Variants in CCDC191 observed in about 807,000 individuals in gnomAD.
The protein encoded by CCDC191 is coiled-coil domain-containing protein 191.
A neutral mutation model predicts 114.0 loss-of-function variants in CCDC191; 99 were observed. The observed-to-expected ratio is 0.87, with a 90% CI of 0.74 to 1.03. CCDC191 has a LOEUF of 1.03. Ranked by LOEUF, CCDC191 falls within the 50% of genes least tolerant of loss-of-function variation. The pLI is 0.00. For synonymous variants in CCDC191, 351 were observed against 376.0 expected (o/e 0.93, Z 0.77); for missense variants, 973 against 1,087.0 (o/e 0.90, Z 1.47).
upstream of CCDC191, chr3:114,056,543 G>A (rs752474146): frequency 1.2e-6 from 2 of 1,609,416 alleles, no homozygotes; most frequent in South Asian, 1.1e-5. Context: ...GGGTCACGCT[G>A]GGAATTGTAG....
At position 113,980,753 on chromosome 3, in the gene CCDC191, T is replaced by A; in HGVS notation, c.2204A>T (p.Gln735Leu). ...EKQKRIKRNQ[Q>L]LEAIAKEHYE... ...ATGTTCTTTGGCTATTGCTTCCAGC[T>A]GCTGGTTCCTCTTAATTCTCTTCTG... is the stretch of plus-strand genomic sequence containing the variant. The change falls in exon 14 of 17, where the codon CAG (glutamine) becomes CTG (leucine). Residue 735 changes from glutamine to leucine, a missense_variant. By Grantham distance (113) the Gln-to-Leu change is moderately radical (BLOSUM62 -2). Coordinates refer to ENST00000295878, the MANE Select transcript of CCDC191 (RefSeq NM_020817.2). 6.2e-7 allele frequency: 1 copy of A among 1,610,992 alleles called. No individual in the cohort carries two copies.
In CCDC191 at chr3:113,965,331, A is replaced by G. The variant is rs1156402686; in HGVS notation, c.2635T>C (p.Trp879Arg). 2 of 1,609,148 alleles carry G rather than the reference A, an allele frequency of 1.2e-6. No individual in the cohort carries two copies. Among genetic ancestry groups the G allele is most frequent in the Admixed American group, 1.7e-5 (1 of 59,342 alleles). The change falls in exon 17 of 17, where the codon TGG becomes CGG. Residue 879 changes from tryptophan to arginine, a missense_variant. Trp to Arg is a moderately radical substitution (Grantham distance 101). Transcript: ENST00000295878. ...TTCATAAATTTTACAAACTTCTTCC[A>G]TGTCCGAAGGGTGATCCAGAGGATC... ...RRILWITLRT[W>R]KKFVKFMKEE...
intron 14 of CCDC191, among the ~76,000 whole-genome samples, chr3:113,980,328 A>G (rs2075101181): frequency 6.6e-6 from 1 of 152,200 alleles, no homozygotes; most frequent in Admixed American, 6.5e-5. Context: ...ACTTTATCAC[A>G]GGCAGAAACC....
chr3:114,032,447 T>C (rs533389164), intron 6 of CCDC191, among the ~76,000 whole-genome samples: 13 of 152,324 alleles, frequency 8.5e-5, no homozygotes, highest in African/African-American at 2.2e-4. Context: ...CTCATAGCTA[T>C]GGCCTTCCTA....
chr3:113,995,174 G>T (rs983647339), intron 13 of CCDC191, among the ~76,000 whole-genome samples: 6 of 152,162 alleles, frequency 3.9e-5, no homozygotes, highest in African/African-American at 1.4e-4. Context: ...ATCCGTGTTT[G>T]CCAGGGGTTA....
At chr3:114,038,014 T>A (rs1304166844) in intron 4 of CCDC191, among the ~76,000 whole-genome samples, 3 of 152,216 alleles carry the variant, frequency 2.0e-5, no homozygotes, top group Non-Finnish European at 4.4e-5. Context: ...AATGCTTACC[T>A]TTTCAAGAAA....
At chr3:114,018,500 T>C (rs538579210) in intron 8 of CCDC191, among the ~76,000 whole-genome samples, 178 bp downstream of exon 8, 1 of 152,230 alleles carries the variant, frequency 6.6e-6, no homozygotes, top group East Asian at 1.9e-4. Context: ...TTTTGTTTAC[T>C]TATAATTTTC....
At chr3:114,035,937 T>C (rs950123898) in intron 5 of CCDC191, among the ~76,000 whole-genome samples, 63 of 152,168 alleles carry the variant, frequency 4.1e-4, no homozygotes, top group African/African-American at 1.3e-3. Context: ...CATTGAATAA[T>C]TTAAAGCAGT....
chr3:114,030,664 G>A lies in CCDC191; in HGVS notation c.972+962C>T, dbSNP rs1024046283. On this transcript the variant is annotated intron_variant, in intron 7 of 16. Transcript: ENST00000295878. Reference sequence around the variant, plus strand: ...AATATCACCATCAAATATGTCTATCGTTTTTAAAAAATCACTTTGACTACT... The same window carrying A: ...AATATCACCATCAAATATGTCTATCATTTTTAAAAAATCACTTTGACTACT... Among the ~76,000 whole-genome samples, 7 of 152,088 alleles carry A rather than the reference G, an allele frequency of 4.6e-5. No homozygotes were observed. In the East Asian group the frequency reaches 5.8e-4, roughly 13 times the overall value.
intron 2 of CCDC191, among the ~76,000 whole-genome samples, chr3:114,049,113 T>C (rs2076667892): frequency 1.3e-5 from 2 of 152,126 alleles, no homozygotes; most frequent in African/African-American, 4.8e-5. Context: ...GAAGGGTAAT[T>C]TGAAAAAGAT....
chr3:113,966,242 T>TAACA (rs1940156281), intron 16 of CCDC191, among the ~76,000 whole-genome samples: 1 of 152,194 alleles, frequency 6.6e-6, no homozygotes, highest in Non-Finnish European at 1.5e-5. Flanking sequence ...AAAAATACCC[T>TAACA]AACATCAGGT....
At chr3:114,010,712 C>G (rs747735907) in intron 9 of CCDC191, 60 bp downstream of exon 9, 3 of 1,516,110 alleles carry the variant, frequency 2.0e-6, no homozygotes. Flanking sequence ...GACTGACATA[C>G]CAGCTATAAA....
In CCDC191 at chr3:114,005,928, G is replaced by A. The variant is rs267599551; in HGVS notation, c.1448C>T (p.Pro483Leu). ...TAVPPLWEKPPLGSSGCMLSP... is the reference protein window; with the variant it reads ...TAVPPLWEKPLLGSSGCMLSP... Reference sequence around the variant, plus strand: ...GAGCATACAACCACTGCTTCCCAAGGGAGGCTTTTCCCACAAAGGGGGCAC... The same window carrying A: ...GAGCATACAACCACTGCTTCCCAAGAGAGGCTTTTCCCACAAAGGGGGCAC... The change falls in exon 10 of 17, where the codon CCC (proline) becomes CTC (leucine). Residue 483 changes from proline (P) to leucine (L), a missense_variant. Pro to Leu is a moderately conservative substitution (Grantham distance 98, BLOSUM62 -3). Transcript: ENST00000295878. 2.5e-6 allele frequency: 4 copies of A among 1,614,002 alleles called. No homozygotes were observed. The African/African-American group carries it at 4.0e-5, about 16-fold the overall frequency.
intron 13 of CCDC191, among the ~76,000 whole-genome samples, chr3:113,990,345 G>A (rs967987112): frequency 1.3e-5 from 2 of 151,910 alleles, no homozygotes; most frequent in Non-Finnish European, 2.9e-5. Context: ...TAGATTAAAT[G>A]CTCAAATTTC....
rs1198377286 is a variant in CCDC191, at chr3:114,031,629, T to C, written c.969A>G (p.Gln323=). The C allele has an allele frequency of 4.4e-6, 7 of 1,608,882 alleles. No individual in the cohort carries two copies. The highest frequency in any genetic ancestry group is 6.0e-6 in the Non-Finnish European group (7 of 1,175,672). Residue 323 remains glutamine, a synonymous_variant, in exon 7 of 17, where the codon CAA becomes CAG. Transcript: ENST00000295878. The stretch of plus-strand genomic sequence containing the variant: ...AAAGAGACATTGCAATTCCCACCTG[T>C]TGATTTTCTTTGAAAGTTTGGATTA... The part of the protein sequence containing the change: ...EVLIQTFKEN[Q]QCQKRYFAAW...
intron 7 of CCDC191, among the ~76,000 whole-genome samples, chr3:114,023,268 T>C (rs1440540668): frequency 1.3e-5 from 2 of 152,156 alleles, no homozygotes; most frequent in African/African-American, 4.8e-5. Flanking sequence ...ATCGTGAAAA[T>C]GGCCATACTG....
chr3:114,000,975 T>C (rs1577388951), intron 13 of CCDC191, among the ~76,000 whole-genome samples: 1 of 152,170 alleles, frequency 6.6e-6, no homozygotes, highest in African/African-American at 2.4e-5. Flanking sequence ...TTTTCGTCTA[T>C]GTAGCACATG....
chr3:113,993,888 A>C (rs924524259), intron 13 of CCDC191, among the ~76,000 whole-genome samples: 5 of 152,060 alleles, frequency 3.3e-5, no homozygotes, highest in Non-Finnish European at 5.9e-5. Flanking sequence ...GTCTCAGAGA[A>C]AAAAAAAGAA....
intron 13 of CCDC191, chr3:113,984,643 T>G (rs1015616736): frequency 1.3e-5 from 2 of 152,200 alleles, no homozygotes; most frequent in African/African-American, 4.8e-5. Flanking sequence ...CAAAGAAGAC[T>G]CAAGTATAGC....
Sources: allele counts gnomAD v4.1 joint callset (sites outside exome capture counted in the v4.1 genomes callset), GRCh38; gene constraint gnomAD v4.1.1; transcripts MANE v1.5; gene names NCBI Gene and HGNC (gene_info 2026-07-23, HGNC 2026-07-21).